Variants in CYTH3 observed in about 807,000 individuals in gnomAD.
CYTH3 encodes the protein cytohesin 3, also known as cytohesin-3.
CYTH3 carries 23 observed loss-of-function variants against 55.1 expected under a neutral mutation model. The observed-to-expected ratio is 0.42, with a 90% confidence interval of 0.30 to 0.59. CYTH3 has a LOEUF of 0.59. Among genes scored for constraint, CYTH3 ranks in the 20% least tolerant of loss-of-function variants. The pLI, the probability that CYTH3 is intolerant of heterozygous loss-of-function variation, is 0.20. For synonymous variants in CYTH3, 249 were observed against 194.9 expected (o/e 1.28, Z -2.31); for missense variants, 413 against 524.8 (o/e 0.79, Z 2.08).
intron 1 of CYTH3, among the ~76,000 whole-genome samples, chr7:6,248,319 C>T (rs1168544631): frequency 1.4e-5 from 2 of 144,572 alleles, no homozygotes; most frequent in Non-Finnish European, 3.0e-5. Flanking sequence ...TTTATTGTTG[C>T]TGTTTTCTAA....
intron 1 of CYTH3, among the ~76,000 whole-genome samples, chr7:6,211,201 C>A (rs1784312209): frequency 6.6e-6 from 1 of 152,208 alleles, no homozygotes; most frequent in East Asian, 1.9e-4. Context: ...GCTCCAGCTC[C>A]CTCCAGCTCC....
intron 1 of CYTH3, among the ~76,000 whole-genome samples, chr7:6,260,287 T>G (rs1299286851): frequency 6.6e-6 from 1 of 152,152 alleles, no homozygotes; most frequent in Non-Finnish European, 1.5e-5. Flanking sequence ...TATCTACCTC[T>G]CCCAAAGTTA....
At position 6,171,610 on chromosome 7, in the gene CYTH3, T is replaced by C. The variant is rs925538702; in HGVS notation, c.450-296A>G. 1.5e-5 allele frequency: 5 copies of C among 332,458 alleles called. No individual in the cohort carries two copies. Among genetic ancestry groups the C allele is most frequent in the Admixed American group, 3.8e-5 (1 of 26,252 alleles). 20.6% of individuals were successfully genotyped at this position (332,458 alleles called of 1,614,324 possible). On this transcript the variant is annotated intron_variant, in intron 6 of 12. Transcript: ENST00000350796. The surrounding 1 kb of genome is among the most constrained non-coding windows in gnomAD (Gnocchi z 6.7). Reference sequence around the variant, plus strand: ...TATCCAGGATCCTGGCACTTCTCTGTCCCCATTGCCACCATCTCCTGCTGC... The same window carrying C: ...TATCCAGGATCCTGGCACTTCTCTGCCCCCATTGCCACCATCTCCTGCTGC...
rs1288609882 is a variant in CYTH3 at position 6,164,393 on chromosome 7, A to G, written c.*551T>C. Reference sequence around the variant, plus strand: ...GTATCTTTTGTTATAATTTCAGAATATAAAAAGGCATATAAAAGCTATAAT... The same window carrying G: ...GTATCTTTTGTTATAATTTCAGAATGTAAAAAGGCATATAAAAGCTATAAT... On this transcript the variant is annotated 3_prime_UTR_variant, in exon 13 of 13. Coordinates refer to ENST00000350796, the MANE Select transcript of CYTH3 (RefSeq NM_004227.4). 1 of 153,146 alleles carries G rather than the reference A, an allele frequency of 6.5e-6. No homozygotes were observed. The highest frequency in any genetic ancestry group is 1.5e-5 in the Non-Finnish European group (1 of 68,384). The allele number at this position is 153,146 out of a possible 1,614,324, so 9.5% of individuals were successfully genotyped here. A position where few individuals can be genotyped will look rare whatever the true frequency, so the allele number is the denominator to read the frequency against.
At chr7:6,231,183 C>G (rs1021305742) in intron 1 of CYTH3, among the ~76,000 whole-genome samples, 1 of 152,236 alleles carries the variant, frequency 6.6e-6, no homozygotes, top group East Asian at 1.9e-4. Flanking sequence ...GGGCTTCTGC[C>G]CTCCTCACGC....
At chr7:6,209,963 G>C (rs1784287122) in intron 1 of CYTH3, among the ~76,000 whole-genome samples, 1 of 152,186 alleles carries the variant, frequency 6.6e-6, no homozygotes, top group African/African-American at 2.4e-5. Flanking sequence ...GGGGGACACG[G>C]ACAGGGATGA....
chr7:6,224,292 T>A (rs1161770846), intron 1 of CYTH3, among the ~76,000 whole-genome samples: 4 of 140,056 alleles, frequency 2.9e-5, no homozygotes, highest in Non-Finnish European at 6.1e-5. Context: ...ATTAACAAAG[T>A]GTGACACTGC....
chr7:6,244,150 A>G (rs145427274), intron 1 of CYTH3, among the ~76,000 whole-genome samples: 1 of 152,300 alleles, frequency 6.6e-6, no homozygotes, highest in Non-Finnish European at 1.5e-5. Context: ...TTGTCCTGTC[A>G]AAGTCGGACA....
intron 1 of CYTH3, among the ~76,000 whole-genome samples, chr7:6,239,931 T>C (rs1442801991): frequency 1.3e-5 from 2 of 152,216 alleles, no homozygotes; most frequent in African/African-American, 2.4e-5. Context: ...TACTTTCTAA[T>C]TCATAAATTT....
chr7:6,195,906 A>G (rs979500576), intron 1 of CYTH3, among the ~76,000 whole-genome samples: 3 of 152,216 alleles, frequency 2.0e-5, no homozygotes, highest in Non-Finnish European at 2.9e-5. Context: ...GGTGCTCATC[A>G]AAGTCCACGT....
intron 1 of CYTH3, among the ~76,000 whole-genome samples, chr7:6,246,254 A>G (rs1404455929): frequency 6.6e-6 from 1 of 150,796 alleles, no homozygotes; most frequent in African/African-American, 2.4e-5. Flanking sequence ...TTTTTAAAAG[A>G]GACAGGGGTC....
In CYTH3 at chr7:6,167,655, C is replaced by CT. The variant is rs1376816621; in HGVS notation, c.824-1846dup. On this transcript the variant is annotated intron_variant, in intron 9 of 12. Transcript: ENST00000350796. The surrounding 1 kb of genome is among the most constrained non-coding windows in gnomAD (Gnocchi z 5.5). Reference sequence around the variant, plus strand: ...CCAACTCCTTGGGCGGCAGCAGGGGCTGCCCTTCCTGGCTCCCCAGCTGTG... The same window carrying CT: ...CCAACTCCTTGGGCGGCAGCAGGGGCTTGCCCTTCCTGGCTCCCCAGCTGTG... Among the ~76,000 whole-genome samples, 1 of 152,268 alleles carries CT rather than the reference C, an allele frequency of 6.6e-6. No individual in the cohort carries two copies. The highest frequency in any genetic ancestry group is 2.4e-5 in the African/African-American group (1 of 41,478).
intron 1 of CYTH3, among the ~76,000 whole-genome samples, chr7:6,256,212 C>G (rs1429169206): frequency 6.6e-6 from 1 of 152,318 alleles, no homozygotes; most frequent in East Asian, 1.9e-4. Flanking sequence ...CAAGATAAAA[C>G]CGCCTACAGC....
In CYTH3 at chr7:6,164,477, G is replaced by A. The variant is rs937629717; in HGVS notation, c.*467C>T. 4.5e-5 allele frequency: 7 copies of A among 155,676 alleles called. No individual in the cohort carries two copies. Among genetic ancestry groups the A allele is most frequent in the Middle Eastern group, 3.3e-3 (1 of 306 alleles). 9.6% of individuals were successfully genotyped at this position (155,676 alleles called of 1,614,324 possible). The stretch of plus-strand genomic sequence containing the variant: ...CTGGTAGCTTTTCCTTTCCTGTTTT[G>A]CTATAAAACAGTGGCTTTCTAGAAC... On this transcript the variant is annotated 3_prime_UTR_variant, in exon 13 of 13. Transcript: ENST00000350796.
intron 1 of CYTH3, among the ~76,000 whole-genome samples, chr7:6,236,383 T>A (rs901074018): frequency 9.0e-6 from 1 of 111,562 alleles, no homozygotes. Context: ...TTTTTTTTTT[T>A]ACTTTTTGTA....
chr7:6,238,071 C>T (rs1387341743), intron 1 of CYTH3, among the ~76,000 whole-genome samples: 2 of 152,180 alleles, frequency 1.3e-5, no homozygotes, highest in Non-Finnish European at 2.9e-5. Context: ...TTTTAAATAT[C>T]CTAGACAATC....
intron 1 of CYTH3, among the ~76,000 whole-genome samples, chr7:6,268,097 G>C (rs1310699148): frequency 6.6e-6 from 1 of 151,928 alleles, no homozygotes; most frequent in Non-Finnish European, 1.5e-5. Flanking sequence ...GCATGCATCA[G>C]CCATTACCTC....
intron 1 of CYTH3, among the ~76,000 whole-genome samples, chr7:6,193,638 C>A (rs558630537): frequency 3.9e-5 from 6 of 152,288 alleles, no homozygotes; most frequent in South Asian, 4.1e-4. Flanking sequence ...GGCTTCACTA[C>A]GTAACTCTGG....
At chr7:6,215,862 T>C (rs1226705438) in intron 1 of CYTH3, among the ~76,000 whole-genome samples, 1 of 152,102 alleles carries the variant, frequency 6.6e-6, no homozygotes, top group Non-Finnish European at 1.5e-5. Context: ...GGGCTTCTCA[T>C]CAAAACCACA....
Sources: gnomAD v4.1 joint callset for allele counts (sites outside exome capture counted in the v4.1 genomes callset) on GRCh38, gnomAD v4.1.1 for gene constraint, Gnocchi (gnomAD v3.1) non-coding constraint, MANE v1.5 for transcripts, NCBI Gene and HGNC (gene_info 2026-07-23, HGNC 2026-07-21) for gene names.